DPP4: variants seen among roughly 807,000 people sequenced by gnomAD.
The protein encoded by DPP4 is dipeptidyl peptidase 4, also known as ADCP-2.
DPP4 carries 93 observed loss-of-function variants against 122.4 expected under a neutral mutation model. The ratio of observed to expected loss-of-function variants is 0.76; its 90% CI spans 0.64 to 0.90. The LOEUF is 0.90. Ranked by LOEUF, DPP4 falls within the 40% of genes least tolerant of loss-of-function variation. The probability of loss-of-function intolerance (pLI) is 0.00; values close to 1 mark genes in which losing one functional copy is unlikely to be tolerated. For missense variants in DPP4, 914 were observed against 907.3 expected (o/e 1.01, Z -0.09); for synonymous variants, 321 against 302.9 (o/e 1.06, Z -0.62).
intron 2 of DPP4, among the ~76,000 whole-genome samples, chr2:162,066,026 A>G (rs1684934965): frequency 6.6e-6 from 1 of 152,134 alleles, no homozygotes; most frequent in Admixed American, 6.5e-5. Context: ...GGTGTTCCTG[A>G]GCACATCCTT....
At chr2:162,046,546 T>C (rs1035751110) in intron 4 of DPP4, among the ~76,000 whole-genome samples, 2 of 152,126 alleles carry the variant, frequency 1.3e-5, no homozygotes, top group African/African-American at 4.8e-5. Context: ...AAATTAAAGT[T>C]TAAATCTGGG....
Position 162,020,312 on chromosome 2 carries a change from T to TTC in DPP4, c.1177-17_1177-16insGA, listed in dbSNP as rs1683076136. 2 of 1,531,432 alleles carry TTC rather than the reference T, an allele frequency of 1.3e-6. No individual in the cohort carries two copies. The highest frequency in any genetic ancestry group is 1.8e-4 in the Middle Eastern group (1 of 5,644). 94.9% of individuals were successfully genotyped at this position (1,531,432 alleles called of 1,614,324 possible). Reference sequence around the variant, plus strand: ...ATGTGCAGTCCTGATGGTTTTTTTTTTTTTTCAAAAAAAAAAAAAAGATTG... The same window carrying TTC: ...ATGTGCAGTCCTGATGGTTTTTTTTTTCTTTTTCAAAAAAAAAAAAAAGATTG... On this transcript the variant is annotated splice_polypyrimidine_tract_variant and intron_variant, in intron 13 of 25. Coordinates refer to ENST00000360534, the MANE Select transcript of DPP4 (RefSeq NM_001935.4).
Position 162,018,741 on chromosome 2 carries a change from G to A in DPP4, c.1408C>T (p.Leu470=). 2 of 1,613,992 alleles carry A rather than the reference G, an allele frequency of 1.2e-6. No individual in the cohort carries two copies. The highest frequency in any genetic ancestry group is 1.7e-6 in the Non-Finnish European group (2 of 1,180,004). ...SFSKEAKYYQ[L]RCSGPGLPLY... The stretch of plus-strand genomic sequence containing the variant: ...AGCTCAGACTTACCGGAACATCTCA[G>A]CTGATAATACTTCGCCTCTTTACTG... Residue 470 remains leucine (L), a synonymous_variant, in exon 16 of 26, where the codon CTG becomes TTG. Transcript: ENST00000360534.
Position 162,047,413 on chromosome 2 carries a change from T to C in DPP4, c.183A>G (p.Arg61=). ...NTYRLKLYSL[R]WISDHEYLYK... is the part of the protein sequence containing the mutation. ...CCAAAAAATTCTTACCTGAAATCCA[T>C]CTTAAGGAGTATAACTTCAGTCTAT... Residue 61 remains arginine (R), a synonymous_variant, in exon 3 of 26, where the codon AGA becomes AGG. Coordinates refer to ENST00000360534, the MANE Select transcript of DPP4 (RefSeq NM_001935.4). 2 of 1,562,902 alleles carry C rather than the reference T, an allele frequency of 1.3e-6. No individual in the cohort carries two copies. Among genetic ancestry groups the C allele is most frequent in the Non-Finnish European group, 8.7e-7 (1 of 1,145,286 alleles).
intron 23 of DPP4, among the ~76,000 whole-genome samples, chr2:162,005,086 T>C (rs939018142): frequency 6.6e-6 from 1 of 152,230 alleles, no homozygotes; most frequent in African/African-American, 2.4e-5. Context: ...GAGACAATGC[T>C]CTGGCTTTGC....
chr2:162,023,240 G>A (rs1683203716), intron 11 of DPP4, among the ~76,000 whole-genome samples: 1 of 152,040 alleles, frequency 6.6e-6, no homozygotes, highest in African/African-American at 2.4e-5. Flanking sequence ...ACAGCTAAGG[G>A]CTTTGTTCAT....
intron 10 of DPP4, among the ~76,000 whole-genome samples, chr2:162,033,102 G>A (rs908517962): frequency 9.2e-5 from 14 of 152,086 alleles, no homozygotes; most frequent in African/African-American, 2.9e-4. Flanking sequence ...TCTGCCCCCT[G>A]CTATTGGTGT....
chr2:162,038,335 T>C lies in DPP4; in HGVS notation c.580A>G (p.Ile194Val). Reference sequence around the variant, plus strand: ...ACCCAGTCAGTTATTCCATTATATATTATATCTTCTTTCCCCGTCCATGTG... The same window carrying C: ...ACCCAGTCAGTTATTCCATTATATACTATATCTTCTTTCCCCGTCCATGTG... ...RITWTGKEDI[I>V]YNGITDWVYE... The change falls in exon 8 of 26, where the codon ATA becomes GTA. Residue 194 changes from isoleucine (I) to valine (V), a missense_variant. By Grantham distance (29) the Ile-to-Val change is conservative. Transcript: ENST00000360534. 1 of 1,605,330 alleles carries C rather than the reference T, an allele frequency of 6.2e-7. No homozygotes were observed. The highest frequency in any genetic ancestry group is 8.5e-7 in the Non-Finnish European group (1 of 1,175,506).
chr2:162,061,741 T>C (rs1479978512), intron 2 of DPP4, among the ~76,000 whole-genome samples: 4 of 152,236 alleles, frequency 2.6e-5, no homozygotes, highest in Non-Finnish European at 5.9e-5. Context: ...ACCAAATATT[T>C]ACTTAGCACT....
chr2:162,026,511 C>G (rs1483047665), intron 10 of DPP4, among the ~76,000 whole-genome samples: 2 of 152,184 alleles, frequency 1.3e-5, no homozygotes, highest in Non-Finnish European at 2.9e-5. Context: ...TTCAGTCTTG[C>G]TCTTTAGCCT....
chr2:162,035,224 G>A lies in DPP4; in HGVS notation c.714C>T (p.Tyr238=), dbSNP rs781636507. 5 of 1,613,920 alleles carry A rather than the reference G, an allele frequency of 3.1e-6. No individual in the cohort carries two copies. Among genetic ancestry groups the A allele is most frequent in the South Asian group, 1.1e-5 (1 of 91,076 alleles). ...GCAGTGACTCATCAGAGTAGAAGGA[G>A]TATTCAATAAGTGGGACTTCTGTGT... The part of the protein sequence containing the change: ...FNDTEVPLIE[Y]SFYSDESLQY... Residue 238 remains tyrosine (Y), a synonymous_variant, in exon 9 of 26, where the codon TAC becomes TAT. Transcript: ENST00000360534.
intron 22 of DPP4, among the ~76,000 whole-genome samples, chr2:162,007,181 G>T (rs1330421117): frequency 6.6e-6 from 1 of 151,948 alleles, no homozygotes; most frequent in African/African-American, 2.4e-5. Flanking sequence ...TTTAAAATAT[G>T]AGAACTTCAT....
At chr2:162,066,686 G>T (rs189179460) in intron 2 of DPP4, among the ~76,000 whole-genome samples, 1 of 152,096 alleles carries the variant, frequency 6.6e-6, no homozygotes, top group Non-Finnish European at 1.5e-5. Context: ...AAGATTATTT[G>T]GATCATGATT....
At chr2:162,070,559 TCCCTTC>T (rs1020115417) in intron 2 of DPP4, among the ~76,000 whole-genome samples, 42 of 152,122 alleles carry the variant, frequency 2.8e-4, no homozygotes, top group African/African-American at 1.0e-3. Context: ...TCCTTTCCTT[TCCCTTC>T]CCCTTCCCTT....
intron 19 of DPP4, among the ~76,000 whole-genome samples, chr2:162,012,855 T>C (rs922605529): frequency 2.0e-5 from 3 of 152,136 alleles, no homozygotes; most frequent in Non-Finnish European, 2.9e-5. Flanking sequence ...TTACTGTCCC[T>C]GCACAGGATA....
intron 5 of DPP4, among the ~76,000 whole-genome samples, chr2:162,043,800 G>C (rs567907872): frequency 6.6e-6 from 1 of 152,270 alleles, no homozygotes; most frequent in African/African-American, 2.4e-5. Context: ...AACTGAGGTG[G>C]GAGAATCGTT....
chr2:162,037,428 T>C (rs1683817895), intron 8 of DPP4, among the ~76,000 whole-genome samples: 1 of 152,172 alleles, frequency 6.6e-6, no homozygotes, highest in African/African-American at 2.4e-5. Flanking sequence ...AAAAGTTATC[T>C]TTCTTTTAAT....
At chr2:162,013,117 A>G (rs1412575263) in intron 19 of DPP4, among the ~76,000 whole-genome samples, 1 of 144,498 alleles carries the variant, frequency 6.9e-6, no homozygotes, top group East Asian at 2.1e-4. Context: ...TAACCCCAAG[A>G]TTAAACAAGA....
rs1683890073 is a variant in DPP4, at chr2:162,038,987, T to C, written c.454A>G (p.Thr152Ala). The C allele has an allele frequency of 6.2e-7, 1 of 1,613,432 alleles. No homozygotes were observed. Residue 152 changes from threonine (T) to alanine (A), a missense_variant, in exon 7 of 26, where the codon ACA (threonine) becomes GCA (alanine). Coordinates refer to ENST00000360534, the MANE Select transcript of DPP4 (RefSeq NM_001935.4). ...LITEERIPNN[T>A]QWVTWSPVGH... ...ACTGGTGACCATGTGACCCACTGTG[T>C]GTTGTTTGGAATCCTCTCTTCTGTA...
Sources: gnomAD v4.1 joint callset for allele counts (sites outside exome capture counted in the v4.1 genomes callset) on GRCh38, gnomAD v4.1.1 for gene constraint, MANE v1.5 for transcripts, NCBI Gene and HGNC (gene_info 2026-07-23, HGNC 2026-07-21) for gene names.